The following TMEM131 variants were observed in gnomAD, a reference collection of about 807,000 sequenced individuals.
TMEM131 encodes the protein transmembrane protein 131.
In TMEM131, 66 loss-of-function variants were observed where a neutral mutation model predicts 211.6. That is an observed-to-expected ratio of 0.31 (90% CI 0.26 to 0.38). The LOEUF is 0.38. Among genes scored for constraint, TMEM131 ranks in the 10% least tolerant of loss-of-function variants. The pLI is 1.00. For synonymous variants in TMEM131, 844 were observed against 841.3 expected, an observed-to-expected ratio of 1.00 and a Z score of -0.06; for missense variants, 2,036 against 2,299.3, an observed-to-expected ratio of 0.89 and a Z score of 2.34.
intron 25 of TMEM131, among the ~76,000 whole-genome samples, chr2:97,799,468 A>C (rs948748417): frequency 6.6e-6 from 1 of 152,240 alleles, no homozygotes. Context: ...AGAATGACAG[A>C]CAGTCCATGG....
chr2:97,923,628 T>TTAA (rs1491415827), intron 2 of TMEM131, among the ~76,000 whole-genome samples: 7 of 30,206 alleles, frequency 2.3e-4, no homozygotes, highest in African/African-American at 5.7e-4. Context: ...TCTTTTTTTT[T>TTAA]AAAAAAAAAA....
chr2:97,798,528 ATTCTTGC>A (rs1680877775), intron 25 of TMEM131, among the ~76,000 whole-genome samples: 2 of 152,226 alleles, frequency 1.3e-5, no homozygotes, highest in South Asian at 4.1e-4. Context: ...ATTACTTTTA[ATTCTTGC>A]TTCTGAGGTA....
At chr2:97,827,280 C>T (rs1682445004) in intron 11 of TMEM131, 2 of 782,866 alleles carry the variant, frequency 2.6e-6, no homozygotes, top group East Asian at 2.4e-5. Context: ...CCGCTGAAGC[C>T]GCTGCCAAGG....
In TMEM131 at chr2:97,805,381, G is replaced by T; in HGVS notation, c.2279C>A (p.Ser760Tyr). 1 of 1,613,488 alleles carries T rather than the reference G, an allele frequency of 6.2e-7. No individual in the cohort carries two copies. Among genetic ancestry groups the T allele is most frequent in the South Asian group, 1.1e-5 (1 of 91,024 alleles). ...DHCYVGLPFL[S>Y]KSEPKVQPGV... ...AGAACAGCAAGGTCACTTACATTTG[G>T]ATAGAAAAGGCAAGCCAACATAGCA... Residue 760 changes from serine (S) to tyrosine (Y), a missense_variant, in exon 21 of 41, where the codon TCC becomes TAC. Ser to Tyr is a moderately radical substitution (Grantham distance 144, BLOSUM62 -2). Around this residue, in one of 3 missense-constraint regions of TMEM131, gnomAD observed 1,623 missense variants for 1,805.9 expected, o/e 0.90. Coordinates refer to ENST00000186436, the MANE Select transcript of TMEM131 (RefSeq NM_015348.2).
At chr2:97,950,208 G>A (rs1010492387) in intron 1 of TMEM131, among the ~76,000 whole-genome samples, 1 of 152,154 alleles carries the variant, frequency 6.6e-6, no homozygotes, top group Admixed American at 6.5e-5. Context: ...ATGGAAAAAA[G>A]TATTTCCCCA....
At chr2:97,823,941 T>G (rs1246412172) in intron 11 of TMEM131, among the ~76,000 whole-genome samples, 2 of 152,004 alleles carry the variant, frequency 1.3e-5, no homozygotes, top group African/African-American at 4.8e-5. Flanking sequence ...GCATTATTAA[T>G]CCTGGCAACC....
At chr2:97,841,753 T>G in intron 7 of TMEM131, 62 bp downstream of exon 7, 2 of 1,473,082 alleles carry the variant, frequency 1.4e-6, no homozygotes, top group Non-Finnish European at 1.8e-6. Context: ...AACTGAGATT[T>G]CATGCTAAGC....
chr2:97,983,789 T>C (rs748505851), intron 1 of TMEM131, among the ~76,000 whole-genome samples: 9 of 152,248 alleles, frequency 5.9e-5, no homozygotes, highest in Admixed American at 2.0e-4. Context: ...TCGTTCAGTC[T>C]TGTAATGATG....
chr2:97,950,394 T>C (rs947222038), intron 1 of TMEM131, among the ~76,000 whole-genome samples: 2 of 152,218 alleles, frequency 1.3e-5, no homozygotes, highest in African/African-American at 2.4e-5. Flanking sequence ...AGTTTGAAGA[T>C]AGCAGTGCTG....
chr2:97,789,428 T>G (rs1413779481), intron 31 of TMEM131, among the ~76,000 whole-genome samples: 1 of 152,234 alleles, frequency 6.6e-6, no homozygotes, highest in East Asian at 1.9e-4. Flanking sequence ...GCCCCAATAA[T>G]AACCATGGCA....
intron 11 of TMEM131, chr2:97,827,225 C>T: frequency 1.3e-6 from 1 of 747,900 alleles, no homozygotes; most frequent in Non-Finnish European, 2.5e-6. Flanking sequence ...AGGCACCTGG[C>T]ACGCGCCTTC....
At chr2:97,937,281 T>A (rs111360430) in intron 1 of TMEM131, among the ~76,000 whole-genome samples, 2 of 152,078 alleles carry the variant, frequency 1.3e-5, no homozygotes, top group African/African-American at 4.8e-5. Context: ...ATAACTAAAA[T>A]AATTCATCAG....
At chr2:97,956,671 A>AG (rs1678580048) in intron 1 of TMEM131, among the ~76,000 whole-genome samples, 1 of 147,416 alleles carries the variant, frequency 6.8e-6, no homozygotes. Flanking sequence ...CTCTTTTTTC[A>AG]TTAAGTAGTG....
chr2:97,995,914 G>A lies in TMEM131; in HGVS notation c.-252C>T, dbSNP rs1189006450. 4.7e-6 allele frequency: 1 copy of A among 212,852 alleles called. No individual in the cohort carries two copies. Among genetic ancestry groups the A allele is most frequent in the Non-Finnish European group, 9.2e-6 (1 of 109,250 alleles). The allele number at this position is 212,852 out of a possible 1,614,324, so 13.2% of individuals were successfully genotyped here. A position where few individuals can be genotyped will look rare whatever the true frequency, so the allele number is the denominator to read the frequency against. On this transcript the variant is annotated 5_prime_UTR_variant, in exon 1 of 41. Coordinates refer to ENST00000186436, the MANE Select transcript of TMEM131 (RefSeq NM_015348.2). Reference sequence around the variant, plus strand: ...GAGAGGCCGCGGGTCAGGCGCGGCGGGCGGCCATACTGGAAACGGGCACGG... The same window carrying A: ...GAGAGGCCGCGGGTCAGGCGCGGCGAGCGGCCATACTGGAAACGGGCACGG...
At chr2:97,818,470 GGGC>G (rs142509429) in intron 12 of TMEM131, 140 bp downstream of exon 12, 2,415 of 115,930 alleles carry the variant, frequency 0.021, 92 homozygotes, top group East Asian at 0.047. Flanking sequence ...CAGCGGGGGG[GGGC>G]GGGGGGGGAT....
intron 5 of TMEM131, among the ~76,000 whole-genome samples, chr2:97,854,824 C>A (rs534183783): frequency 3.3e-5 from 5 of 152,236 alleles, no homozygotes; most frequent in African/African-American, 1.2e-4. Context: ...ATTTCACTTT[C>A]CTCCAAACAG....
At chr2:97,990,018 G>T (rs1680191892) in intron 1 of TMEM131, among the ~76,000 whole-genome samples, 1 of 152,164 alleles carries the variant, frequency 6.6e-6, no homozygotes. Context: ...ATTATCTCCA[G>T]CTCCTGTTAG....
intron 31 of TMEM131, among the ~76,000 whole-genome samples, chr2:97,776,618 C>G (rs1679747504): frequency 6.6e-6 from 1 of 152,180 alleles, no homozygotes; most frequent in Non-Finnish European, 1.5e-5. Flanking sequence ...ATCTGTATGT[C>G]TGTCTCAGAA....
chr2:97,844,797 T>C lies in TMEM131; in HGVS notation c.484-536A>G, dbSNP rs550405762. Among the ~76,000 whole-genome samples the C allele has an allele frequency of 2.0e-5, 3 of 152,296 alleles. No homozygotes were observed. The East Asian group carries it at 5.8e-4, about 29-fold the overall frequency. On this transcript the variant is annotated intron_variant, in intron 5 of 40. Coordinates refer to ENST00000186436, the MANE Select transcript of TMEM131 (RefSeq NM_015348.2). The stretch of plus-strand genomic sequence containing the variant: ...TGCAGATTAAGAATGTCACTATAGT[T>C]AGTAAAATAAAATGTTATTACCACA...
Sources: gnomAD v4.1 joint callset for allele counts (sites outside exome capture counted in the v4.1 genomes callset) on GRCh38, gnomAD v4.1.1 for gene constraint, gnomAD v4.1.1 regional missense constraint, MANE v1.5 for transcripts, NCBI Gene and HGNC (gene_info 2026-07-23, HGNC 2026-07-21) for gene names.